RARB: variants seen among roughly 807,000 people sequenced by gnomAD.
RARB encodes HBV-activated protein.
RARB carries 17 observed loss-of-function variants against 51.9 expected under a neutral mutation model. The observed-to-expected ratio is 0.33, with a 90% CI of 0.22 to 0.49. The LOEUF is 0.49. RARB is among the 20% of genes least tolerant of loss of function. RARB has a pLI of 0.99. For synonymous variants in RARB, 215 were observed against 195.4 expected (o/e 1.10, Z -0.84); for missense variants, 369 against 550.8 (o/e 0.67, Z 3.30).
chr3:25,385,179 C>T (rs758997110), intron 5 of RARB, among the ~76,000 whole-genome samples: 2 of 152,204 alleles, frequency 1.3e-5, no homozygotes, highest in Non-Finnish European at 2.9e-5. Context: ...TGTGCCCTCT[C>T]TCTGTTACAC....
At chr3:25,327,883 G>T (rs1352427087) in intron 5 of RARB, among the ~76,000 whole-genome samples, 1 of 152,154 alleles carries the variant, frequency 6.6e-6, no homozygotes, top group Admixed American at 6.6e-5. Context: ...TTAAGAGTAG[G>T]TGTATAAGCA....
At chr3:25,245,314 A>G (rs1702532245) in intron 5 of RARB, among the ~76,000 whole-genome samples, 2 of 152,038 alleles carry the variant, frequency 1.3e-5, no homozygotes, top group South Asian at 4.2e-4. Flanking sequence ...TTTAAGGTTT[A>G]TATTGTTTTG....
intron 2 of RARB, among the ~76,000 whole-genome samples, chr3:24,900,761 A>C (rs568684097): frequency 5.3e-5 from 8 of 152,334 alleles, no homozygotes; most frequent in South Asian, 4.1e-4. Context: ...AGCATGTCTA[A>C]TTTGAGCACA....
At chr3:25,012,407 A>C (rs1429854185) in intron 2 of RARB, among the ~76,000 whole-genome samples, 3 of 152,162 alleles carry the variant, frequency 2.0e-5, no homozygotes, top group Non-Finnish European at 4.4e-5. Context: ...TTGGGGCAAC[A>C]GAATGAGTAT....
intron 5 of RARB, among the ~76,000 whole-genome samples, chr3:25,218,344 C>A (rs1030569832): frequency 2.6e-5 from 4 of 151,964 alleles, no homozygotes; most frequent in African/African-American, 9.7e-5. Context: ...CCCTAGGTTA[C>A]TTTTTTTGTT....
chr3:25,186,885 C>G (rs1260546863), intron 5 of RARB, among the ~76,000 whole-genome samples: 31 of 114,282 alleles, frequency 2.7e-4, no homozygotes, highest in South Asian at 7.0e-4. Flanking sequence ...AAAGGTAAGC[C>G]TGTGTGTGTG....
chr3:24,922,934 T>C (rs865794607), intron 2 of RARB, among the ~76,000 whole-genome samples: 1 of 152,150 alleles, frequency 6.6e-6, no homozygotes, highest in Non-Finnish European at 1.5e-5. Context: ...ACTACATTTA[T>C]GAGAAAAGTA....
At chr3:25,255,229 C>A (rs1023365034) in intron 5 of RARB, among the ~76,000 whole-genome samples, 4 of 152,162 alleles carry the variant, frequency 2.6e-5, no homozygotes, top group Non-Finnish European at 5.9e-5. Context: ...TGAATTTTTT[C>A]TGGAGATCAG....
chr3:25,543,572 T>C (rs560101067), intron 3 of RARB, among the ~76,000 whole-genome samples: 2 of 152,182 alleles, frequency 1.3e-5, no homozygotes, highest in South Asian at 4.2e-4. Flanking sequence ...TATAATCAGA[T>C]TATGTTGCTA....
intron 2 of RARB, among the ~76,000 whole-genome samples, chr3:24,938,489 G>C (rs532983960): frequency 6.6e-6 from 1 of 152,080 alleles, no homozygotes; most frequent in Non-Finnish European, 1.5e-5. Flanking sequence ...TTAATTTACA[G>C]ACAGGTTCAT....
At chr3:25,315,834 G>A (rs985752992) in intron 5 of RARB, among the ~76,000 whole-genome samples, 3 of 151,688 alleles carry the variant, frequency 2.0e-5, no homozygotes, top group Non-Finnish European at 2.9e-5. Context: ...ACCCAGGCTG[G>A]TCTCAAACTC....
At chr3:25,163,585 G>A (rs971073180) in intron 4 of RARB, among the ~76,000 whole-genome samples, 13 of 148,824 alleles carry the variant, frequency 8.7e-5, no homozygotes, top group Admixed American at 3.3e-4. Flanking sequence ...TAATTCTAAT[G>A]TAGTGCTTTC....
intron 5 of RARB, among the ~76,000 whole-genome samples, chr3:25,400,790 C>T (rs1036419023): frequency 6.6e-6 from 1 of 152,140 alleles, no homozygotes; most frequent in African/African-American, 2.4e-5. Flanking sequence ...TTATTCAACA[C>T]TTTTACTTCT....
chr3:25,078,615 C>T (rs1282714049), intron 3 of RARB, among the ~76,000 whole-genome samples: 1 of 151,712 alleles, frequency 6.6e-6, no homozygotes, highest in East Asian at 1.9e-4. Context: ...CAGCTCATCA[C>T]AACCTCCACC....
In RARB at chr3:25,207,193, C is replaced by T. The variant is rs138058559; in HGVS notation, c.178+32618C>T. ...CTTATTCAGGGCAGAATAATGAGGTCATTTGCCTGGAGATATAGTTCCAAC... is the reference window on the plus strand; with the variant it reads ...CTTATTCAGGGCAGAATAATGAGGTTATTTGCCTGGAGATATAGTTCCAAC... On this transcript the variant is annotated intron_variant, in intron 5 of 11. Coordinates refer to the RARB transcript ENST00000383772. Among the ~76,000 whole-genome samples the T allele has an allele frequency of 3.7e-4, 57 of 152,266 alleles. No individual in the cohort carries two copies. In the Middle Eastern group the frequency reaches 0.01, roughly 27 times the overall value.
intron 2 of RARB, among the ~76,000 whole-genome samples, chr3:25,024,142 A>G (rs961388064): frequency 6.6e-6 from 1 of 152,192 alleles, no homozygotes; most frequent in Non-Finnish European, 1.5e-5. Context: ...CCTGAGTCTC[A>G]AATTAGAAAA....
At chr3:25,074,040 A>G (rs2125309791) in intron 3 of RARB, among the ~76,000 whole-genome samples, 1 of 152,350 alleles carries the variant, frequency 6.6e-6, no homozygotes, top group South Asian at 2.1e-4. Context: ...AGCACCTACT[A>G]CGTGTCAGGC....
At chr3:25,553,043 G>A (rs1472445991) in intron 3 of RARB, among the ~76,000 whole-genome samples, 3 of 152,050 alleles carry the variant, frequency 2.0e-5, no homozygotes, top group Non-Finnish European at 2.9e-5. Context: ...GAAGGAAGAC[G>A]GGCAAACTAT....
chr3:25,506,899 C>A (rs1697633040), intron 3 of RARB, among the ~76,000 whole-genome samples: 1 of 152,246 alleles, frequency 6.6e-6, no homozygotes, highest in Non-Finnish European at 1.5e-5. Context: ...CCACACTACA[C>A]CATGCTGACT....
Sources: gnomAD v4.1 joint callset for allele counts (sites outside exome capture counted in the v4.1 genomes callset) on GRCh38, gnomAD v4.1.1 for gene constraint, MANE v1.5 for transcripts, NCBI Gene and HGNC (gene_info 2026-07-23, HGNC 2026-07-21) for gene names.